SYT1: variants seen among roughly 807,000 people sequenced by gnomAD.
SYT1 encodes the protein synaptotagmin-1.
SYT1 carries 8 observed loss-of-function variants against 44.8 expected under a neutral mutation model. The ratio of observed to expected loss-of-function variants is 0.18; its 90% CI spans 0.10 to 0.32. The LOEUF (loss-of-function observed/expected upper bound fraction) is 0.32, where lower values mean the gene tolerates loss of function less well. Among genes scored for constraint, SYT1 ranks in the 10% least tolerant of loss-of-function variants. The pLI is 1.00. For missense variants in SYT1, 286 were observed against 509.3 expected (o/e 0.56, Z 4.22); for synonymous variants, 154 against 188.8 (o/e 0.82, Z 1.51).
At chr12:79,362,849 A>G (rs557344022) in intron 9 of SYT1, among the ~76,000 whole-genome samples, 29 of 152,260 alleles carry the variant, frequency 1.9e-4, no homozygotes, top group Non-Finnish European at 3.8e-4. Context: ...TCTTTGTCAA[A>G]TTTTCTTTAC....
chr12:79,429,884 A>C (rs1445768245), intron 9 of SYT1, among the ~76,000 whole-genome samples: 2 of 152,232 alleles, frequency 1.3e-5, no homozygotes, highest in Non-Finnish European at 2.9e-5. Flanking sequence ...AAAAGTCTAC[A>C]TATCAGAGAA....
chr12:79,122,240 C>A (rs553309035), intron 3 of SYT1, among the ~76,000 whole-genome samples: 1 of 152,004 alleles, frequency 6.6e-6, no homozygotes, highest in East Asian at 1.9e-4. Context: ...TCAGGCCGGG[C>A]GCGGTGGCTC....
At chr12:79,210,337 T>G (rs934839720) in intron 3 of SYT1, among the ~76,000 whole-genome samples, 4 of 152,152 alleles carry the variant, frequency 2.6e-5, no homozygotes, top group Non-Finnish European at 5.9e-5. Context: ...TGTGAGATTT[T>G]GATGCACCCA....
At chr12:79,245,302 C>CA (rs61324842) in intron 4 of SYT1, among the ~76,000 whole-genome samples, 2,580 of 104,076 alleles carry the variant, frequency 0.025, 41 homozygotes, top group Non-Finnish European at 0.036. Context: ...CCCGTCTCTA[C>CA]AAAAAAAAAA....
At position 78,864,812 on chromosome 12, in the gene SYT1, A is replaced by G. The variant is rs369777884; in HGVS notation, c.-514A>G. The G allele has an allele frequency of 2.0e-3, 322 of 158,560 alleles. 16 individuals are homozygous for G. In the South Asian group the frequency reaches 0.062, roughly 31 times the overall value. The allele number at this position is 158,560 out of a possible 1,614,324, so 9.8% of individuals were successfully genotyped here. On this transcript the variant is annotated 5_prime_UTR_variant, in exon 1 of 11. Transcript: ENST00000261205. ...CTCCTCCTGCAGCAGCGGCAGCGGC[A>G]GCAGCAGTTAGCAGCGGCAACTTGA...
intron 2 of SYT1, among the ~76,000 whole-genome samples, chr12:79,047,022 A>G (rs1443208427): frequency 6.6e-6 from 1 of 151,890 alleles, no homozygotes; most frequent in Non-Finnish European, 1.5e-5. Context: ...TCTAATTTCA[A>G]ATTAAAACAC....
chr12:78,886,742 A>G (rs113912822), intron 1 of SYT1, among the ~76,000 whole-genome samples: 2 of 152,006 alleles, frequency 1.3e-5, no homozygotes, highest in African/African-American at 4.8e-5. Flanking sequence ...GCCAAGAAAG[A>G]CCCACAAAAT....
At chr12:79,176,951 T>A (rs540858764) in intron 3 of SYT1, among the ~76,000 whole-genome samples, 4 of 151,956 alleles carry the variant, frequency 2.6e-5, no homozygotes, top group African/African-American at 7.2e-5. Context: ...ATTCGTCCAA[T>A]AATATTATCC....
chr12:79,246,717 CT>C (rs1876871461), intron 4 of SYT1, among the ~76,000 whole-genome samples: 1 of 152,222 alleles, frequency 6.6e-6, no homozygotes, highest in Admixed American at 6.5e-5. Context: ...AATACCTTGA[CT>C]TTTAAAATTA....
intron 3 of SYT1, among the ~76,000 whole-genome samples, chr12:79,198,903 A>T (rs1873619094): frequency 1.3e-5 from 2 of 152,186 alleles, no homozygotes; most frequent in African/African-American, 4.8e-5. Flanking sequence ...TACTTTATAT[A>T]TTAAGACAGA....
intron 3 of SYT1, among the ~76,000 whole-genome samples, chr12:79,053,601 A>T (rs1232074537): frequency 6.7e-6 from 1 of 148,214 alleles, no homozygotes; most frequent in African/African-American, 2.5e-5. Context: ...ATTTTATAAT[A>T]TTGACAATTA....
chr12:78,971,102 T>C (rs1407960355), intron 1 of SYT1, among the ~76,000 whole-genome samples: 2 of 152,160 alleles, frequency 1.3e-5, no homozygotes, highest in Non-Finnish European at 2.9e-5. Flanking sequence ...TGGTGGAGGT[T>C]GCAGTGAGTT....
chr12:78,998,013 T>G (rs1481580382), intron 2 of SYT1, among the ~76,000 whole-genome samples: 1 of 152,132 alleles, frequency 6.6e-6, no homozygotes, highest in African/African-American at 2.4e-5. Context: ...ACAAATTGGC[T>G]CCTATCAGAT....
intron 2 of SYT1, among the ~76,000 whole-genome samples, chr12:79,035,684 G>T (rs896916806): frequency 2.0e-5 from 3 of 151,516 alleles, no homozygotes; most frequent in Non-Finnish European, 3.0e-5. Context: ...ATATTGCCAT[G>T]GTGGTCTTGA....
At chr12:79,079,242 C>T (rs1876866481) in intron 3 of SYT1, among the ~76,000 whole-genome samples, 1 of 151,858 alleles carries the variant, frequency 6.6e-6, no homozygotes, top group Non-Finnish European at 1.5e-5. Flanking sequence ...TTCACCTCTC[C>T]CTACACAGAG....
rs61296536 is a variant in SYT1 at position 79,125,451 on chromosome 12, C to CAA, written c.-18+78104_-18+78105dup. Among the ~76,000 whole-genome samples, 53 of 99,034 alleles carry CAA rather than the reference C, an allele frequency of 5.4e-4. No individual in the cohort carries two copies. In the South Asian group the frequency reaches 6.9e-3, roughly 13 times the overall value. 65.0% of individuals were successfully genotyped at this position (99,034 alleles called of 152,430 possible). On this transcript the variant is annotated intron_variant, in intron 3 of 10. Transcript: ENST00000261205. ...CATAGTGCGACCCTCACTGTCTCTA[C>CAA]AAAAAAAAAAAAAAAATTAGCTGTG...
At chr12:78,952,114 G>T (rs551594846) in intron 1 of SYT1, among the ~76,000 whole-genome samples, 1 of 152,018 alleles carries the variant, frequency 6.6e-6, no homozygotes, top group Admixed American at 6.6e-5. Flanking sequence ...TACATTAGCC[G>T]CATCTGTAAC....
chr12:79,219,318 T>G (rs1317570139), intron 4 of SYT1, among the ~76,000 whole-genome samples: 1 of 152,138 alleles, frequency 6.6e-6, no homozygotes, highest in African/African-American at 2.4e-5. Flanking sequence ...TTTATTTTGT[T>G]GATTGTTTCC....
rs531832349 is a variant in SYT1 at position 79,282,946 on chromosome 12, T to C, written c.167-2841T>C. ...ATTCCACAAGATTTGCTGACCAATA[T>C]TGAAACATGTTTCTACAAATACTGC... is the stretch of plus-strand genomic sequence containing the variant. On this transcript the variant is annotated intron_variant, in intron 4 of 10. Coordinates refer to ENST00000261205, the MANE Select transcript of SYT1 (RefSeq NM_005639.3). Among the ~76,000 whole-genome samples, 368 of 152,300 alleles carry C rather than the reference T, an allele frequency of 2.4e-3. 3 individuals carry two copies. Among genetic ancestry groups the C allele is most frequent in the African/African-American group, 6.8e-3 (282 of 41,588 alleles).
Sources: gnomAD v4.1 joint callset for allele counts (sites outside exome capture counted in the v4.1 genomes callset) on GRCh38, gnomAD v4.1.1 for gene constraint, MANE v1.5 for transcripts, NCBI Gene and HGNC (gene_info 2026-07-23, HGNC 2026-07-21) for gene names.